Variants in UGGT2 observed in about 807,000 individuals in gnomAD.
The protein encoded by UGGT2 is UDP-glucose glycoprotein glucosyltransferase 2.
UGGT2 carries 180 observed loss-of-function variants against 192.1 expected under a neutral mutation model. That is an observed-to-expected ratio of 0.94 (90% CI 0.83 to 1.06). The LOEUF is 1.06. Ranked by LOEUF, UGGT2 falls within the 50% of genes least tolerant of loss-of-function variation. The probability of loss-of-function intolerance (pLI) is 0.00; values close to 1 mark genes in which losing one functional copy is unlikely to be tolerated. For missense variants in UGGT2, 1,849 were observed against 1,795.7 expected (o/e 1.03, Z -0.54); for synonymous variants, 580 against 591.0 (o/e 0.98, Z 0.27).
intron 10 of UGGT2, among the ~76,000 whole-genome samples, chr13:95,976,207 T>A (rs2050933593): frequency 6.6e-6 from 1 of 152,196 alleles, no homozygotes; most frequent in South Asian, 2.1e-4. Flanking sequence ...GTATGGCTTA[T>A]TTCACTTAAC....
intron 29 of UGGT2, among the ~76,000 whole-genome samples, chr13:95,872,968 T>C (rs1194693527): frequency 3.3e-5 from 5 of 151,990 alleles, no homozygotes; most frequent in Non-Finnish European, 7.4e-5. Context: ...ACAAGGGAGG[T>C]AGGATTATTC....
At chr13:95,887,123 C>T (rs2047667655) in intron 26 of UGGT2, 1 of 275,990 alleles carries the variant, frequency 3.6e-6, no homozygotes, top group African/African-American at 2.2e-5. Flanking sequence ...GTAACAAATA[C>T]AATTTGAAAA....
intron 20 of UGGT2, among the ~76,000 whole-genome samples, chr13:95,924,725 G>A (rs922459994): frequency 2.6e-5 from 4 of 152,052 alleles, no homozygotes; most frequent in Non-Finnish European, 4.4e-5. Context: ...AAAGGAAGCT[G>A]CCACGTTGTG....
chr13:95,890,625 G>A (rs145483949), intron 25 of UGGT2, among the ~76,000 whole-genome samples: 11 of 152,260 alleles, frequency 7.2e-5, no homozygotes, highest in Non-Finnish European at 1.5e-4. Context: ...TATTTCATGT[G>A]TTGAAATATG....
At chr13:95,900,354 T>A (rs1246222227) in intron 22 of UGGT2, among the ~76,000 whole-genome samples, 1 of 152,134 alleles carries the variant, frequency 6.6e-6, no homozygotes, top group East Asian at 1.9e-4. Context: ...ATTTTATTAA[T>A]AAATACTACA....
chr13:95,999,337 C>T (rs372600258), intron 5 of UGGT2, 30 bp from the exon 6 acceptor site: 82 of 1,593,268 alleles, frequency 5.1e-5, no homozygotes, highest in African/African-American at 5.4e-5. Context: ...TTATAAAAAG[C>T]GAAAAGAGTT....
intron 17 of UGGT2, among the ~76,000 whole-genome samples, chr13:95,931,127 G>C (rs1455200443): frequency 6.6e-6 from 1 of 152,096 alleles, no homozygotes; most frequent in African/African-American, 2.4e-5. Context: ...GGTCCGTTTT[G>C]ACAGGGTGCT....
intron 1 of UGGT2, among the ~76,000 whole-genome samples, chr13:96,045,726 C>G (rs1051980431): frequency 6.6e-6 from 1 of 152,058 alleles, no homozygotes; most frequent in African/African-American, 2.4e-5. Flanking sequence ...AGAACTCAAC[C>G]CCTTTTACAA....
Position 95,991,361 on chromosome 13 carries a change from T to C in UGGT2, c.831-1288A>G, listed in dbSNP as rs553120136. 6.0e-4 allele frequency: 242 copies of C among 400,404 alleles called. 2 individuals are homozygous for C. The highest frequency in any genetic ancestry group is 3.6e-3 in the African/African-American group (174 of 48,124). The allele number at this position is 400,404 out of a possible 1,614,324, so 24.8% of individuals were successfully genotyped here. A position where few individuals can be genotyped will look rare whatever the true frequency, so the allele number is the denominator to read the frequency against. ...CACCAACAGTGTAAAAGCCTTCCTA[T>C]TTCTCCACATCCCCTCCAGCATCTG... On this transcript the variant is annotated intron_variant, in intron 7 of 38. Coordinates refer to ENST00000376747, the MANE Select transcript of UGGT2 (RefSeq NM_020121.4).
chr13:95,936,774 A>T, intron 17 of UGGT2, 150 bp downstream of exon 17: 1 of 776,828 alleles, frequency 1.3e-6, no homozygotes, highest in Non-Finnish European at 1.9e-6. Context: ...GGCGTGGCTT[A>T]AGCTGCTAAA....
intron 19 of UGGT2, among the ~76,000 whole-genome samples, 164 bp from the exon 20 acceptor site, chr13:95,925,938 T>C (rs1361071629): frequency 6.6e-6 from 1 of 152,010 alleles, no homozygotes; most frequent in Non-Finnish European, 1.5e-5. Flanking sequence ...CAAGTACGTA[T>C]ATATACATAC....
At chr13:95,977,519 G>A (rs913394012) in intron 10 of UGGT2, among the ~76,000 whole-genome samples, 1 of 152,146 alleles carries the variant, frequency 6.6e-6, no homozygotes, top group Admixed American at 6.5e-5. Context: ...AGTTAGAATG[G>A]TGATCATTAA....
At chr13:95,806,287 G>A (rs1411584031) in intron 38 of UGGT2, among the ~76,000 whole-genome samples, 1 of 152,196 alleles carries the variant, frequency 6.6e-6, no homozygotes, top group Non-Finnish European at 1.5e-5. Flanking sequence ...CAGATTTATG[G>A]TTGATATCTG....
At chr13:96,007,893 T>C (rs2139048195) in intron 5 of UGGT2, among the ~76,000 whole-genome samples, 2 of 152,296 alleles carry the variant, frequency 1.3e-5, no homozygotes, top group South Asian at 4.1e-4. Flanking sequence ...TCTACACATT[T>C]GGAACCAACT....
Position 95,986,358 on chromosome 13 carries a change from A to G in UGGT2, c.1006T>C (p.Ser336Pro). The part of the protein sequence containing the change: ...YDSIKLMKDI[S>P]QNFPIKARSL... ...CTGGCTTTTATGGGGAAGTTCTGTG[A>G]AATGTCTTTCATTAATTTAATGGAA... The change falls in exon 9 of 39, where the codon TCA becomes CCA. Residue 336 changes from serine to proline, a missense_variant. Coordinates refer to ENST00000376747, the MANE Select transcript of UGGT2 (RefSeq NM_020121.4). 1 of 1,602,262 alleles carries G rather than the reference A, an allele frequency of 6.2e-7. No individual in the cohort carries two copies. The highest frequency in any genetic ancestry group is 8.5e-7 in the Non-Finnish European group (1 of 1,170,956).
At chr13:95,856,366 C>G (rs1232511202) in intron 33 of UGGT2, 26 bp from the exon 34 acceptor site, 1 of 1,586,232 alleles carries the variant, frequency 6.3e-7, no homozygotes, top group East Asian at 2.2e-5. Flanking sequence ...CAAAATCAAA[C>G]AATATGTTCA....
chr13:95,927,875 A>C (rs1208906990), intron 17 of UGGT2, among the ~76,000 whole-genome samples: 3 of 152,052 alleles, frequency 2.0e-5, no homozygotes, highest in Admixed American at 2.0e-4. Flanking sequence ...CTCTTAACGA[A>C]CATGCTGCCT....
At chr13:95,976,363 T>C (rs1048587228) in intron 10 of UGGT2, among the ~76,000 whole-genome samples, 1 of 152,218 alleles carries the variant, frequency 6.6e-6, no homozygotes, top group Non-Finnish European at 1.5e-5. Flanking sequence ...CTATTGTGAA[T>C]AGTGTTTTAA....
At chr13:95,940,168 AGATT>A in intron 15 of UGGT2, 77 bp from the exon 16 acceptor site, 2 of 1,165,208 alleles carry the variant, frequency 1.7e-6, no homozygotes, top group South Asian at 3.8e-5. Flanking sequence ...GCATGCAGAT[AGATT>A]TTTATTTTGT....
Sources: gnomAD v4.1 joint callset for allele counts (sites outside exome capture counted in the v4.1 genomes callset) on GRCh38, gnomAD v4.1.1 for gene constraint, MANE v1.5 for transcripts, NCBI Gene and HGNC (gene_info 2026-07-23, HGNC 2026-07-21) for gene names.